The following POLR3H variants were observed in gnomAD, a reference collection of about 807,000 sequenced individuals.
POLR3H encodes the protein RNA polymerase III subunit H.
POLR3H carries 17 observed loss-of-function variants against 25.5 expected under a neutral mutation model. The observed-to-expected ratio is 0.67, with a 90% CI of 0.46 to 1.00. POLR3H has a LOEUF of 1.00. Among genes scored for constraint, POLR3H ranks in the 50% least tolerant of loss-of-function variants. The pLI is 0.00. For synonymous variants in POLR3H, 129 were observed against 103.0 expected, an observed-to-expected ratio of 1.25 and a Z score of -1.53; for missense variants, 274 against 265.0, an observed-to-expected ratio of 1.03 and a Z score of -0.24.
chr22:41,544,008 T>C lies in POLR3H; in HGVS notation c.94A>G (p.Lys32Glu). The part of the protein sequence containing the change: ...LNDSIAEELN[K>E]KLANKVVYNV... ...CCCAGTACCTTGTTGGCCAACTTCT[T>C]GTTCAGCTCCTCGGCAATGGAGTCG... Residue 32 changes from lysine (K) to glutamate (E), a missense_variant, in exon 1 of 6, where the codon AAG becomes GAG. Physicochemically the swap from Lys to Glu is moderately conservative, Grantham distance 56. Transcript: ENST00000355209. 6.2e-7 allele frequency: 1 copy of C among 1,613,582 alleles called. No homozygotes were observed. The highest frequency in any genetic ancestry group is 1.1e-5 in the South Asian group (1 of 91,064).
Position 41,530,618 on chromosome 22 carries a change from C to G in POLR3H, c.561+69G>C. On this transcript the variant is annotated intron_variant, in intron 5 of 5. Coordinates refer to ENST00000355209, the MANE Select transcript of POLR3H (RefSeq NM_001018050.4). ...AGATCCCAGAGCAGAAGCCCCAGGA[C>G]ACAGCTTCCAGCCCTGCACTCCGGC... 1.3e-5 allele frequency: 18 copies of G among 1,432,580 alleles called. 1 individual carries two copies. Among genetic ancestry groups the G allele is most frequent in the Non-Finnish European group, 1.7e-5 (18 of 1,057,144 alleles). 88.7% of individuals were successfully genotyped at this position (1,432,580 alleles called of 1,614,324 possible). A position where few individuals can be genotyped will look rare whatever the true frequency, so the allele number is the denominator to read the frequency against.
Position 41,527,190 on chromosome 22 carries a change from G to A in POLR3H, c.*2093C>T. On this transcript the variant is annotated 3_prime_UTR_variant, in exon 6 of 6. Coordinates refer to ENST00000355209, the MANE Select transcript of POLR3H (RefSeq NM_001018050.4). ...GCCCCTTTACCGGGAGCCTCAGGATGCCCAGGCGCCAGGTGGGTGAGGCCA... is the reference window on the plus strand; with the variant it reads ...GCCCCTTTACCGGGAGCCTCAGGATACCCAGGCGCCAGGTGGGTGAGGCCA... The A allele has an allele frequency of 1.3e-6, 2 of 1,577,574 alleles. No individual in the cohort carries two copies. The highest frequency in any genetic ancestry group is 1.1e-5 in the South Asian group (1 of 88,884).
intron 1 of POLR3H, 157 bp downstream of exon 1, chr22:41,543,833 TC>T: frequency 1.4e-6 from 1 of 712,510 alleles, no homozygotes. Context: ...TTTCTTTTGA[TC>T]CCCTTCAATA....
chr22:41,532,224 C>T (rs1195457276), intron 3 of POLR3H, 67 bp from the exon 4 acceptor site: 10 of 1,500,396 alleles, frequency 6.7e-6, no homozygotes, highest in Non-Finnish European at 9.3e-6. Context: ...ACTGCGGGGT[C>T]TTATGCTTGA....
At position 41,544,254 on chromosome 22, in the gene POLR3H, C is replaced by T. The variant is rs2066982351; in HGVS notation, c.-153G>A. ...CACGGGGCGGTCTCGGGGGCCCGGT[C>T]CGGGCCATGCTCCGCTACTACAACA... On this transcript the variant is annotated 5_prime_UTR_variant, in exon 1 of 6. Transcript: ENST00000355209. 5.1e-6 allele frequency: 3 copies of T among 591,316 alleles called. No individual in the cohort carries two copies. The highest frequency in any genetic ancestry group is 3.7e-5 in the African/African-American group (2 of 53,470). 36.6% of individuals were successfully genotyped at this position (591,316 alleles called of 1,614,324 possible).
chr22:41,531,547 C>T (rs1439065461), intron 4 of POLR3H, among the ~76,000 whole-genome samples: 2 of 152,236 alleles, frequency 1.3e-5, no homozygotes, highest in African/African-American at 4.8e-5. Context: ...GTGCTGTGCA[C>T]CGTGGGTACA....
rs111714506 is a variant in POLR3H at position 41,534,953 on chromosome 22, G to A, written c.209-2208C>T. ...AGTGGTGATGGCTTAGCTGATGAGGGTGTTGTTCCTGGTGGGAGGGGGCCC... is the reference window on the plus strand; with the variant it reads ...AGTGGTGATGGCTTAGCTGATGAGGATGTTGTTCCTGGTGGGAGGGGGCCC... On this transcript the variant is annotated intron_variant, in intron 2 of 5. Transcript: ENST00000355209. Among the ~76,000 whole-genome samples the A allele has an allele frequency of 1.7e-3, 253 of 151,898 alleles. No homozygotes were observed. The Middle Eastern group carries it at 0.017, about 10-fold the overall frequency.
In POLR3H at chr22:41,526,559, C is replaced by T; in HGVS notation, c.*2724G>A. ...GAGTGGAAACTGGGAAGGAGGCCGA[C>T]CAAGCCCAAAGGGGACTGCTGTGGA... On this transcript the variant is annotated 3_prime_UTR_variant, in exon 6 of 6. Transcript: ENST00000355209. 1 of 1,323,382 alleles carries T rather than the reference C, an allele frequency of 7.6e-7. No individual in the cohort carries two copies. 82.0% of individuals were successfully genotyped at this position (1,323,382 alleles called of 1,614,324 possible).
At position 41,528,400 on chromosome 22, in the gene POLR3H, C is replaced by CCTGT; in HGVS notation, c.*879_*882dup. 6.4e-7 allele frequency: 1 copy of CCTGT among 1,560,662 alleles called. No individual in the cohort carries two copies. The highest frequency in any genetic ancestry group is 8.7e-7 in the Non-Finnish European group (1 of 1,153,872). On this transcript the variant is annotated 3_prime_UTR_variant, in exon 6 of 6. Coordinates refer to ENST00000355209, the MANE Select transcript of POLR3H (RefSeq NM_001018050.4). The stretch of plus-strand genomic sequence containing the variant: ...GACCTCTTAGGTCCCCAGGCAGTGC[C>CCTGT]CTGTCTCCCTGACCCCCCTGCGGGG...
At position 41,526,133 on chromosome 22, in the gene POLR3H, A is replaced by C. The variant is rs2066589563; in HGVS notation, c.*3150T>G. ...AGGACCACAGAACACGTGTCTGAAG[A>C]CTTGCCTGCCTCTCACCCCTCTGTC... On this transcript the variant is annotated 3_prime_UTR_variant, in exon 6 of 6. Transcript: ENST00000355209. 2 of 746,958 alleles carry C rather than the reference A, an allele frequency of 2.7e-6. No individual in the cohort carries two copies. 46.3% of individuals were successfully genotyped at this position (746,958 alleles called of 1,614,324 possible).
In POLR3H at chr22:41,527,710, C is replaced by A; in HGVS notation, c.*1573G>T. The A allele has an allele frequency of 4.3e-6, 4 of 937,060 alleles. No individual in the cohort carries two copies. The highest frequency in any genetic ancestry group is 6.3e-6 in the Non-Finnish European group (4 of 636,758). 58.0% of individuals were successfully genotyped at this position (937,060 alleles called of 1,614,324 possible). ...TGTGCAGCAGGAAGGCCTCGCAGAC[C>A]TCAGCACCAGCGCACACTTGCTAGG... On this transcript the variant is annotated 3_prime_UTR_variant, in exon 6 of 6. Transcript: ENST00000355209.
intron 2 of POLR3H, among the ~76,000 whole-genome samples, chr22:41,537,815 T>G (rs1013254262): frequency 1.0e-4 from 15 of 147,152 alleles, no homozygotes; most frequent in Non-Finnish European, 1.4e-4. Context: ...TTCCTCCAAC[T>G]TTTTTTTTTT....
At chr22:41,531,020 G>C in intron 4 of POLR3H, 132 bp from the exon 5 acceptor site, 1 of 856,274 alleles carries the variant, frequency 1.2e-6, no homozygotes, top group Non-Finnish European at 1.8e-6. Flanking sequence ...AGGAAAAGCA[G>C]GTCCCAGCCC....
intron 2 of POLR3H, chr22:41,533,377 C>T (rs1601951005): frequency 1.9e-6 from 1 of 524,522 alleles, no homozygotes; most frequent in Admixed American, 4.3e-5. Context: ...AGGAGTCCAA[C>T]GCTGACCTGA....
At position 41,528,481 on chromosome 22, in the gene POLR3H, C is replaced by T. The variant is rs1331612820; in HGVS notation, c.*802G>A. ...CCACACCCACCTTCTCCTTGCAGCC[C>T]CTGAAGTGCATCATCAAGCACCCCA... On this transcript the variant is annotated 3_prime_UTR_variant, in exon 6 of 6. Coordinates refer to ENST00000355209, the MANE Select transcript of POLR3H (RefSeq NM_001018050.4). 1.9e-6 allele frequency: 3 copies of T among 1,612,114 alleles called. No individual in the cohort carries two copies. The highest frequency in any genetic ancestry group is 2.2e-5 in the South Asian group (2 of 90,990).
At chr22:41,538,159 A>C (rs1187484956) in intron 2 of POLR3H, among the ~76,000 whole-genome samples, 6 of 119,420 alleles carry the variant, frequency 5.0e-5, no homozygotes, top group Non-Finnish European at 1.0e-4. Flanking sequence ...TTTGAGACGG[A>C]GTTTCACTCT....
rs2066679872 is a variant in POLR3H, at chr22:41,529,540, G to GACTCCAGGC, written c.562-213_562-205dup. On this transcript the variant is annotated intron_variant, in intron 5 of 5. Transcript: ENST00000355209. ...CGCAGGGCGCAGACCCTTCTCCAGG[G>GACTCCAGGC]ACTCCAGGCCCTGATAGGGTCAGGG... 4.5e-6 allele frequency: 3 copies of GACTCCAGGC among 666,488 alleles called. No individual in the cohort carries two copies. In the Admixed American group the frequency reaches 6.7e-5, roughly 15 times the overall value. The allele number at this position is 666,488 out of a possible 1,614,324, so 41.3% of individuals were successfully genotyped here.
chr22:41,535,276 A>G (rs1432447883), intron 2 of POLR3H, among the ~76,000 whole-genome samples: 3 of 152,264 alleles, frequency 2.0e-5, no homozygotes, highest in Admixed American at 2.0e-4. Context: ...AATTAAAAAA[A>G]AAAGATAGTG....
rs986539462 is a variant in POLR3H at position 41,525,802 on chromosome 22, T to C, written c.*3481A>G. On this transcript the variant is annotated 3_prime_UTR_variant, in exon 6 of 6. Transcript: ENST00000355209. The stretch of plus-strand genomic sequence containing the variant: ...TGGCACCGACCAAAAACAAGCCTTT[T>C]TGGTGTGGCCAGAGGCCTCCAATCT... 2 of 205,328 alleles carry C rather than the reference T, an allele frequency of 9.7e-6. No homozygotes were observed. The highest frequency in any genetic ancestry group is 2.0e-5 in the Non-Finnish European group (2 of 101,434). 12.7% of individuals were successfully genotyped at this position (205,328 alleles called of 1,614,324 possible). A position where few individuals can be genotyped will look rare whatever the true frequency, so the allele number is the denominator to read the frequency against.
Sources: gnomAD v4.1 joint callset for allele counts (sites outside exome capture counted in the v4.1 genomes callset) on GRCh38, gnomAD v4.1.1 for gene constraint, MANE v1.5 for transcripts, NCBI Gene and HGNC (gene_info 2026-07-23, HGNC 2026-07-21) for gene names.